Variants in SOX6 observed in about 807,000 individuals in gnomAD.
The protein encoded by SOX6 is SRY-box transcription factor 6.
SOX6 carries 11 observed loss-of-function variants against 97.8 expected under a neutral mutation model. That is an observed-to-expected ratio of 0.11 (90% CI 0.07 to 0.19). The LOEUF (loss-of-function observed/expected upper bound fraction) is 0.19, where lower values mean the gene tolerates loss of function less well. Among genes scored for constraint, SOX6 ranks in the 10% least tolerant of loss-of-function variants. The pLI is 1.00. For missense variants in SOX6, 810 were observed against 1,039.5 expected (o/e 0.78, Z 3.04); for synonymous variants, 360 against 371.4 (o/e 0.97, Z 0.35).
At chr11:16,028,851 C>G (rs1416654734) in intron 12 of SOX6, among the ~76,000 whole-genome samples, 2 of 152,134 alleles carry the variant, frequency 1.3e-5, no homozygotes, top group African/African-American at 4.8e-5. Flanking sequence ...ATCACCTGTC[C>G]TTCACAACTG....
intron 1 of SOX6, among the ~76,000 whole-genome samples, chr11:16,364,920 G>C (rs1197159115): frequency 6.6e-6 from 1 of 152,042 alleles, no homozygotes; most frequent in Admixed American, 6.6e-5. Flanking sequence ...AACTGGGATT[G>C]TACTACTGTG....
chr11:16,308,603 T>C (rs1373101393), intron 3 of SOX6, among the ~76,000 whole-genome samples: 6 of 152,162 alleles, frequency 3.9e-5, no homozygotes, highest in African/African-American at 1.2e-4. Context: ...TCAATATAAA[T>C]GGTTGGCTAG....
chr11:16,130,333 G>C (rs907938197), intron 6 of SOX6, among the ~76,000 whole-genome samples: 1 of 151,958 alleles, frequency 6.6e-6, no homozygotes, highest in African/African-American at 2.4e-5. Context: ...TAAGAGAGTA[G>C]AGTGTAAGTG....
At chr11:16,545,915 G>A (rs557831459) in intron 4 of SOX6, among the ~76,000 whole-genome samples, 5 of 152,206 alleles carry the variant, frequency 3.3e-5, no homozygotes, top group South Asian at 2.1e-4. Context: ...TCATGCCATC[G>A]CACTCCAGCT....
At chr11:16,416,478 GA>G (rs1186675203) in intron 1 of SOX6, among the ~76,000 whole-genome samples, 13 of 152,214 alleles carry the variant, frequency 8.5e-5, no homozygotes, top group African/African-American at 3.1e-4. Context: ...AATACTACCT[GA>G]CAATTCTTGG....
intron 1 of SOX6, among the ~76,000 whole-genome samples, chr11:16,441,448 C>T (rs1330771537): frequency 1.3e-5 from 2 of 152,064 alleles, no homozygotes; most frequent in Admixed American, 1.3e-4. Context: ...GATATTGATG[C>T]TTTTGTATTG....
At chr11:16,217,470 T>A (rs1254578446) in intron 4 of SOX6, among the ~76,000 whole-genome samples, 1 of 152,178 alleles carries the variant, frequency 6.6e-6, no homozygotes, top group Non-Finnish European at 1.5e-5. Flanking sequence ...TATCTCAATG[T>A]ACTTCTAAAA....
chr11:16,234,935 A>G (rs1852971131), intron 3 of SOX6, among the ~76,000 whole-genome samples: 1 of 152,048 alleles, frequency 6.6e-6, no homozygotes, highest in Non-Finnish European at 1.5e-5. Context: ...TTATAATTCT[A>G]TTAATATTCA....
chr11:16,302,719 G>A (rs1475640201), intron 3 of SOX6, among the ~76,000 whole-genome samples: 5 of 151,556 alleles, frequency 3.3e-5, no homozygotes, highest in African/African-American at 7.3e-5. Context: ...ACAGGCGTGC[G>A]CCACCACACC....
At chr11:16,574,956 C>T (rs1161416642) in intron 4 of SOX6, among the ~76,000 whole-genome samples, 1 of 151,668 alleles carries the variant, frequency 6.6e-6, no homozygotes, top group East Asian at 1.9e-4. Flanking sequence ...AAGAGAATCG[C>T]TTGAACCCAG....
chr11:16,447,068 C>A (rs185237498), intron 1 of SOX6, among the ~76,000 whole-genome samples: 90 of 150,166 alleles, frequency 6.0e-4, no homozygotes, highest in Non-Finnish European at 1.1e-3. Flanking sequence ...CCTTCTTTTT[C>A]TTTTCTTCTG....
intron 6 of SOX6, among the ~76,000 whole-genome samples, chr11:16,132,388 AAG>A (rs1315717887): frequency 1.0e-5 from 1 of 99,962 alleles, no homozygotes; most frequent in African/African-American, 4.4e-5. Context: ...GAAAGAAAGA[AAG>A]AAAGAAAGAA....
At position 16,235,344 on chromosome 11, in the gene SOX6, G is replaced by C. The variant is rs953554949; in HGVS notation, c.446-673C>G. Among the ~76,000 whole-genome samples, 7 of 151,906 alleles carry C rather than the reference G, an allele frequency of 4.6e-5. 1 individual carries two copies. The highest frequency in any genetic ancestry group is 1.7e-4 in the African/African-American group (7 of 41,356). On this transcript the variant is annotated intron_variant, in intron 3 of 15. Transcript: ENST00000683767. ...TCTAAATAGCATACTAAAATACAGG[G>C]AGTAATTACACTTGTTTTTATCAAG...
intron 1 of SOX6, among the ~76,000 whole-genome samples, chr11:16,433,373 G>T (rs1859306860): frequency 6.6e-6 from 1 of 152,002 alleles, no homozygotes; most frequent in Non-Finnish European, 1.5e-5. Flanking sequence ...AAATACAATT[G>T]TGAGTATATG....
intron 3 of SOX6, among the ~76,000 whole-genome samples, chr11:16,240,701 A>G (rs933468103): frequency 2.0e-5 from 3 of 152,024 alleles, no homozygotes; most frequent in Admixed American, 1.3e-4. Context: ...AAAAGAGGGA[A>G]ACATACAGCG....
chr11:16,531,997 C>G (rs1455286227), intron 4 of SOX6, among the ~76,000 whole-genome samples: 1 of 151,754 alleles, frequency 6.6e-6, no homozygotes, highest in Non-Finnish European at 1.5e-5. Context: ...AAGAGTTAAG[C>G]TTTGTTGTCT....
chr11:16,316,291 T>C (rs765222177), intron 3 of SOX6: 23 of 151,868 alleles, frequency 1.5e-4, no homozygotes, highest in Non-Finnish European at 3.2e-4. Flanking sequence ...GTTTCTTTAA[T>C]CCGTTATATT....
chr11:16,516,280 AT>A (rs1860969872), intron 4 of SOX6, among the ~76,000 whole-genome samples: 1 of 151,832 alleles, frequency 6.6e-6, no homozygotes, highest in African/African-American at 2.4e-5. Flanking sequence ...TGTAAGTTGG[AT>A]TCCTAGGTAT....
At chr11:16,656,927 T>C (rs1221425359) in intron 3 of SOX6, among the ~76,000 whole-genome samples, 4 of 152,218 alleles carry the variant, frequency 2.6e-5, no homozygotes, top group Non-Finnish European at 5.9e-5. Context: ...CATTAATGTG[T>C]ATGTTTGTTA....
Sources: gnomAD v4.1 joint callset for allele counts (sites outside exome capture counted in the v4.1 genomes callset) on GRCh38, gnomAD v4.1.1 for gene constraint, MANE v1.5 for transcripts, NCBI Gene and HGNC (gene_info 2026-07-23, HGNC 2026-07-21) for gene names.